EBF3: variants seen among roughly 807,000 people sequenced by gnomAD.
EBF3 encodes EBF transcription factor 3, also known as transcription factor COE3.
In EBF3, 18 loss-of-function variants were observed where a neutral mutation model predicts 77.1. That is an observed-to-expected ratio of 0.23 (90% confidence interval 0.16 to 0.35). The LOEUF is 0.35. Ranked by LOEUF, EBF3 falls within the 10% of genes least tolerant of loss-of-function variation. The pLI is 1.00. For missense variants in EBF3, 558 were observed against 860.0 expected, an observed-to-expected ratio of 0.65 and a Z score of 4.39; for synonymous variants, 350 against 343.5, an observed-to-expected ratio of 1.02 and a Z score of -0.21.
At chr10:129,865,759 G>A (rs567560394) in intron 10 of EBF3, among the ~76,000 whole-genome samples, 15 of 152,362 alleles carry the variant, frequency 9.8e-5, no homozygotes, top group East Asian at 5.8e-4. Flanking sequence ...GCTGAAGGAC[G>A]TCTATTGCCT....
Position 129,909,478 on chromosome 10 carries a change from A to G in EBF3, c.555-31629T>C, listed in dbSNP as rs546521474. On this transcript the variant is annotated intron_variant, in intron 6 of 16. Coordinates refer to ENST00000440978, the MANE Select transcript of EBF3 (RefSeq NM_001375380.1). ...TCCCTCGGAACAGCAGCCACTGGAC[A>G]GGGCACACGTTTGGTCACCCTGGCT... is the stretch of plus-strand genomic sequence containing the variant. Among the ~76,000 whole-genome samples, 14 of 152,310 alleles carry G rather than the reference A, an allele frequency of 9.2e-5. 1 individual carries two copies. In the South Asian group the frequency reaches 2.3e-3, roughly 25 times the overall value.
At chr10:129,924,449 A>AC (rs1856527132) in intron 6 of EBF3, among the ~76,000 whole-genome samples, 1 of 151,504 alleles carries the variant, frequency 6.6e-6, no homozygotes, top group Non-Finnish European at 1.5e-5. Flanking sequence ...AAAAAAACAA[A>AC]AAACAAAAAA....
At chr10:129,838,051 A>C in intron 16 of EBF3, 91 bp from the exon 17 acceptor site, 6 of 1,477,868 alleles carry the variant, frequency 4.1e-6, no homozygotes, top group Non-Finnish European at 4.7e-6. Flanking sequence ...CTTCCCCCCT[A>C]TTCAACTGGG....
At chr10:129,874,592 C>A (rs1047782909) in intron 7 of EBF3, among the ~76,000 whole-genome samples, 1 of 152,192 alleles carries the variant, frequency 6.6e-6, no homozygotes, top group Non-Finnish European at 1.5e-5. Context: ...CTGGGTCTTG[C>A]AGAAGCACTC....
chr10:129,840,992 G>T lies in EBF3; in HGVS notation c.1413C>A (p.Gly471=), dbSNP rs1849994438. The part of the protein sequence containing the change: ...SRNTSSVSPR[G]YVPSSTPQQS... Reference sequence around the variant, plus strand: ...GCTGGGGAGTACTGCTGGGGACGTAGCCTCGCGGGGACACGCTGCTTGTAT... The same window carrying T: ...GCTGGGGAGTACTGCTGGGGACGTATCCTCGCGGGGACACGCTGCTTGTAT... The change falls in exon 14 of 17, where the codon GGC becomes GGA. Residue 471 remains glycine (G), a synonymous_variant. Transcript: ENST00000440978. 1 of 1,612,948 alleles carries T rather than the reference G, an allele frequency of 6.2e-7. No homozygotes were observed. Among genetic ancestry groups the T allele is most frequent in the African/African-American group, 1.3e-5 (1 of 74,804 alleles).
chr10:129,940,138 T>C (rs988754948), intron 6 of EBF3, among the ~76,000 whole-genome samples: 6 of 152,148 alleles, frequency 3.9e-5, no homozygotes, highest in African/African-American at 1.4e-4. Context: ...TGCACTGCCA[T>C]GTCACACACA....
Position 129,870,547 on chromosome 10 carries a change from C to A in EBF3, c.782-2635G>T, listed in dbSNP as rs527433351. ...AGAAAGGAGGCGTGGCGAGTCTCCCCTGCGGATCTGACATGCGCCACCATG... is the reference window on the plus strand; with the variant it reads ...AGAAAGGAGGCGTGGCGAGTCTCCCATGCGGATCTGACATGCGCCACCATG... On this transcript the variant is annotated intron_variant, in intron 8 of 16. Transcript: ENST00000440978. This position sits in a 1 kb window ranked among gnomAD's most constrained non-coding sequence, Gnocchi z 4.4. Among the ~76,000 whole-genome samples the A allele has an allele frequency of 6.6e-6, 1 of 152,284 alleles. No homozygotes were observed. The highest frequency in any genetic ancestry group is 2.4e-5 in the African/African-American group (1 of 41,572).
Position 129,962,218 on chromosome 10 carries a change from T to C in EBF3, c.364A>G (p.Thr122Ala). ...AGGCGAACATACAGATCTTGCTCTG[T>C]TCTGACTCCTGCAAAAAAACAGAGA... Reference protein sequence around the residue: ...LQLLYSNGVRTEQDLYVRLID... With the variant: ...LQLLYSNGVRAEQDLYVRLID... The change falls in exon 4 of 17, where the codon ACA (threonine) becomes GCA (alanine). Residue 122 changes from threonine (T) to alanine (A), a missense_variant. Transcript: ENST00000440978. The C allele has an allele frequency of 6.2e-7, 1 of 1,614,124 alleles. No individual in the cohort carries two copies. Among genetic ancestry groups the C allele is most frequent in the Non-Finnish European group, 8.5e-7 (1 of 1,180,010 alleles).
chr10:129,899,289 G>A (rs1251184020), intron 6 of EBF3, among the ~76,000 whole-genome samples: 2 of 152,206 alleles, frequency 1.3e-5, no homozygotes, highest in African/African-American at 2.4e-5. Flanking sequence ...CAATGAAAAC[G>A]TCTTAAATTT....
rs769249403 is a variant in EBF3, at chr10:129,952,735, C to G, written c.554+4523G>C. 3.9e-5 allele frequency among the ~76,000 whole-genome samples: 6 copies of G among 152,240 alleles called. No individual in the cohort carries two copies. Among genetic ancestry groups the G allele is most frequent in the Admixed American group, 6.5e-5 (1 of 15,298 alleles). ...GAAGATGTAAAGGGCTAGGGAATAA[C>G]CCGGTGCTGTTTGTAAGGCTTGGTA... On this transcript the variant is annotated intron_variant, in intron 6 of 16. Coordinates refer to ENST00000440978, the MANE Select transcript of EBF3 (RefSeq NM_001375380.1). This position sits in a 1 kb window ranked among gnomAD's most constrained non-coding sequence, Gnocchi z 4.7.
intron 8 of EBF3, 29 bp from the exon 9 acceptor site, chr10:129,867,941 C>G: frequency 6.2e-7 from 1 of 1,609,606 alleles, no homozygotes; most frequent in South Asian, 1.1e-5. Context: ...GAAGGCAGAC[C>G]TTAGAGCCCC....
intron 6 of EBF3, among the ~76,000 whole-genome samples, chr10:129,905,200 C>G (rs1457669888): frequency 6.6e-6 from 1 of 152,210 alleles, no homozygotes; most frequent in Non-Finnish European, 1.5e-5. Context: ...ACCAGAAGGG[C>G]TCCAGGGTGC....
At chr10:129,924,699 C>T (rs1266930362) in intron 6 of EBF3, among the ~76,000 whole-genome samples, 1 of 152,174 alleles carries the variant, frequency 6.6e-6, no homozygotes, top group Non-Finnish European at 1.5e-5. Flanking sequence ...ATAGGTTCTG[C>T]TCTGTTGCCC....
At position 129,839,045 on chromosome 10, in the gene EBF3, C is replaced by T. The variant is rs185277308; in HGVS notation, c.1872+38G>A. On this transcript the variant is annotated intron_variant, in intron 16 of 16. Coordinates refer to ENST00000440978, the MANE Select transcript of EBF3 (RefSeq NM_001375380.1). ...GCCTGGGCGTCCCTTCATACGCTAA[C>T]GGATGTTGTGAAGACAATGATTTCA... 6.4e-5 allele frequency: 83 copies of T among 1,303,732 alleles called. No individual in the cohort carries two copies. In the African/African-American group the frequency reaches 9.8e-4, roughly 15 times the overall value. 80.8% of individuals were successfully genotyped at this position (1,303,732 alleles called of 1,614,324 possible). A position where few individuals can be genotyped will look rare whatever the true frequency, so the allele number is the denominator to read the frequency against.
At position 129,842,195 on chromosome 10, in the gene EBF3, G is replaced by A. The variant is rs1564816087; in HGVS notation, c.1293C>T (p.His431=). ...AGGAGTTGACGCCCATCATGCCCGT[G>A]TGTGCAGGGTTGTTGCCCAGGGTGG... ...QIPTLGNNPA[H]TGMMGVNSFS... The change falls in exon 13 of 17, where the codon CAC becomes CAT. Residue 431 remains histidine, a synonymous_variant. Transcript: ENST00000440978. The surrounding 1 kb of genome is among the most constrained non-coding windows in gnomAD (Gnocchi z 4.4). 3.7e-6 allele frequency: 6 copies of A among 1,614,126 alleles called. No homozygotes were observed. The highest frequency in any genetic ancestry group is 5.1e-6 in the Non-Finnish European group (6 of 1,180,052).
intron 6 of EBF3, among the ~76,000 whole-genome samples, chr10:129,955,911 A>G (rs1269451252): frequency 3.3e-5 from 5 of 152,276 alleles, no homozygotes; most frequent in Non-Finnish European, 7.3e-5. Flanking sequence ...AAGAAAATAA[A>G]ATAAATTCAG....
intron 10 of EBF3, among the ~76,000 whole-genome samples, chr10:129,850,711 T>A (rs1850813353): frequency 6.6e-6 from 1 of 152,212 alleles, no homozygotes; most frequent in Admixed American, 6.5e-5. Context: ...GCATTCGTGG[T>A]TCTGGGAGGC....
At chr10:129,902,487 C>T (rs1194214549) in intron 6 of EBF3, among the ~76,000 whole-genome samples, 2 of 151,836 alleles carry the variant, frequency 1.3e-5, no homozygotes, top group East Asian at 1.9e-4. Context: ...CATATGGGAC[C>T]GGTCACAATG....
chr10:129,855,076 C>T (rs1851159467), intron 10 of EBF3, among the ~76,000 whole-genome samples: 2 of 152,232 alleles, frequency 1.3e-5, no homozygotes, highest in African/African-American at 4.8e-5. Context: ...CCTAGGGTCA[C>T]CCTGGGTTTC....
Sources: allele counts gnomAD v4.1 joint callset (sites outside exome capture counted in the v4.1 genomes callset), GRCh38; gene constraint gnomAD v4.1.1; non-coding constraint Gnocchi (gnomAD v3.1); transcripts MANE v1.5; gene names NCBI Gene and HGNC (gene_info 2026-07-23, HGNC 2026-07-21).